Variants in GDAP1 observed in about 807,000 individuals in gnomAD.
GDAP1 encodes the protein ganglioside-induced differentiation-associated protein 1.
In GDAP1, 34 loss-of-function variants were observed where a neutral mutation model predicts 40.1. The observed-to-expected ratio is 0.85, with a 90% CI of 0.64 to 1.13. GDAP1 has a LOEUF of 1.13. Ranked by LOEUF, GDAP1 falls within the 50% of genes most tolerant of loss-of-function variation. GDAP1 has a pLI of 0.00. For synonymous variants in GDAP1, 170 were observed against 157.4 expected (o/e 1.08, Z -0.60); for missense variants, 374 against 433.7 (o/e 0.86, Z 1.22).
At chr8:74,421,352 T>C (rs2131559069) in intron 2 of GDAP1, among the ~76,000 whole-genome samples, 1 of 152,218 alleles carries the variant, frequency 6.6e-6, no homozygotes, top group Admixed American at 6.5e-5. Flanking sequence ...GTTTATTACA[T>C]GTGCTTTTTT....
intron 2 of GDAP1, among the ~76,000 whole-genome samples, chr8:74,356,716 ATTT>A (rs377497809): frequency 9.6e-6 from 1 of 104,338 alleles, no homozygotes; most frequent in Non-Finnish European, 1.8e-5. Flanking sequence ...ATATATATAT[ATTT>A]TTTTTTTTTT....
In GDAP1 at chr8:74,408,183, G is replaced by C. The variant is rs947380570; in HGVS notation, c.165+56862G>C. ...GTTCCAAAATAAGAAAAGAGGAAGA[G>C]TGAAAGTATATCTGTTTTATTGTCT... On this transcript the variant is annotated intron_variant, in intron 2 of 2. Coordinates refer to the GDAP1 transcript ENST00000523640. Among the ~76,000 whole-genome samples, 7 of 150,140 alleles carry C rather than the reference G, an allele frequency of 4.7e-5. 1 individual carries two copies. Among genetic ancestry groups the C allele is most frequent in the African/African-American group, 1.5e-4 (6 of 39,486 alleles).
intron 2 of GDAP1, among the ~76,000 whole-genome samples, chr8:74,445,962 A>G (rs1806221575): frequency 6.6e-6 from 1 of 152,170 alleles, no homozygotes; most frequent in Non-Finnish European, 1.5e-5. Flanking sequence ...AAAGATTTTT[A>G]AAGGGATTTT....
At chr8:74,463,402 G>A (rs892993140) in intron 2 of GDAP1, among the ~76,000 whole-genome samples, 1 of 149,192 alleles carries the variant, frequency 6.7e-6, no homozygotes, top group Non-Finnish European at 1.5e-5. Context: ...TCTAGGCTGC[G>A]GTGAGCTATG....
At chr8:74,439,601 T>G (rs563820150) in intron 2 of GDAP1, among the ~76,000 whole-genome samples, 13 of 152,040 alleles carry the variant, frequency 8.6e-5, no homozygotes, top group East Asian at 5.8e-4. Context: ...AGGTGTTTTT[T>G]TTTGTTTGTT....
chr8:74,351,348 T>C lies in GDAP1; in HGVS notation c.192T>C (p.Asn64=), dbSNP rs1335498598. The stretch of plus-strand genomic sequence containing the variant: ...TAAGTCTGCCCTTGAGTGAGCACAA[T>C]GAGCCTTGGTTTATGCGTTTGAACT... ...HDVSLPLSEH[N]EPWFMRLNST... is the part of the protein sequence containing the mutation. Residue 64 remains asparagine (N), a synonymous_variant, in exon 2 of 6, where the codon AAT becomes AAC. Coordinates refer to ENST00000220822, the MANE Select transcript of GDAP1 (RefSeq NM_018972.4). 2 of 1,612,230 alleles carry C rather than the reference T, an allele frequency of 1.2e-6. No individual in the cohort carries two copies. Among genetic ancestry groups the C allele is most frequent in the Non-Finnish European group, 1.7e-6 (2 of 1,178,202 alleles).
intron 2 of GDAP1, 99 bp from the exon 3 acceptor site, chr8:74,360,038 G>T: frequency 2.4e-6 from 2 of 845,776 alleles, no homozygotes; most frequent in Non-Finnish European, 2.0e-6. Context: ...CAGATATGTT[G>T]AAAATGTTAA....
At chr8:74,380,901 A>G (rs1213421137) in intron 2 of GDAP1, among the ~76,000 whole-genome samples, 1 of 152,220 alleles carries the variant, frequency 6.6e-6, no homozygotes, top group Non-Finnish European at 1.5e-5. Context: ...AGTTAAATTC[A>G]ATCTCTTCCC....
chr8:74,470,029 G>A (rs1302621370), intron 2 of GDAP1, among the ~76,000 whole-genome samples: 1 of 152,020 alleles, frequency 6.6e-6, no homozygotes, highest in African/African-American at 2.4e-5. Context: ...AACCATTTGA[G>A]CCTGGAGGTT....
At chr8:74,352,446 C>T (rs1478066803) in intron 2 of GDAP1, among the ~76,000 whole-genome samples, 1 of 152,110 alleles carries the variant, frequency 6.6e-6, no homozygotes, top group Admixed American at 6.5e-5. Flanking sequence ...TAGCCCCAAA[C>T]TACAGGAAGC....
intron 5 of GDAP1, 83 bp from the exon 6 acceptor site, chr8:74,363,902 T>G: frequency 1.1e-5 from 13 of 1,179,916 alleles, no homozygotes; most frequent in Non-Finnish European, 1.7e-5. Context: ...ACACTCACCC[T>G]TAAGGGTGAG....
chr8:74,468,485 ACACACAC>A (rs1806502022), intron 2 of GDAP1, among the ~76,000 whole-genome samples: 1 of 42,344 alleles, frequency 2.4e-5, no homozygotes. Flanking sequence ...CCATACACAC[ACACACAC>A]ACACACACAC....
intron 2 of GDAP1, among the ~76,000 whole-genome samples, chr8:74,425,287 T>G (rs55780920): frequency 0.54 from 82,169 of 152,148 alleles, 23,575 homozygotes; most frequent in Non-Finnish European, 0.63. Flanking sequence ...ATATTATTCC[T>G]TTGTTACTTG....
intron 2 of GDAP1, among the ~76,000 whole-genome samples, chr8:74,444,189 A>G (rs932928745): frequency 1.6e-5 from 2 of 125,798 alleles, no homozygotes; most frequent in African/African-American, 6.1e-5. Flanking sequence ...GTGGCAGGCA[A>G]ATGCACACAC....
intron 2 of GDAP1, among the ~76,000 whole-genome samples, chr8:74,381,983 T>A (rs1809961216): frequency 6.6e-6 from 1 of 152,044 alleles, no homozygotes; most frequent in South Asian, 2.1e-4. Context: ...GCCACTATGC[T>A]GGGGTACATT....
chr8:74,368,093 G>T (rs1444470974), downstream of GDAP1, among the ~76,000 whole-genome samples: 1 of 152,254 alleles, frequency 6.6e-6, no homozygotes, highest in East Asian at 1.9e-4. Context: ...TATTACTTAT[G>T]CATTGATTCC....
chr8:74,359,258 T>G (rs1036690577), intron 2 of GDAP1, among the ~76,000 whole-genome samples: 1 of 152,202 alleles, frequency 6.6e-6, no homozygotes, highest in African/African-American at 2.4e-5. Context: ...CCTGCAGCAC[T>G]TCTCCAGCTC....
intron 2 of GDAP1, among the ~76,000 whole-genome samples, chr8:74,383,539 A>C (rs1009420816): frequency 6.6e-6 from 1 of 152,178 alleles, no homozygotes; most frequent in African/African-American, 2.4e-5. Context: ...AAATATTTCC[A>C]TCCTTAATTT....
chr8:74,412,065 A>C (rs1303013685), intron 2 of GDAP1, among the ~76,000 whole-genome samples: 1 of 149,894 alleles, frequency 6.7e-6, no homozygotes, highest in East Asian at 1.9e-4. Flanking sequence ...TTGAGATAAA[A>C]GTTGGGACAT....
Sources: gnomAD v4.1 joint callset for allele counts (sites outside exome capture counted in the v4.1 genomes callset) on GRCh38, gnomAD v4.1.1 for gene constraint, MANE v1.5 for transcripts, NCBI Gene and HGNC (gene_info 2026-07-23, HGNC 2026-07-21) for gene names.